STX6: variants seen among roughly 807,000 people sequenced by gnomAD.
STX6 encodes the protein syntaxin 6, also known as syntaxin-6.
STX6 carries 23 observed loss-of-function variants against 38.0 expected under a neutral mutation model. The ratio of observed to expected loss-of-function variants is 0.60; its 90% CI spans 0.43 to 0.86. The LOEUF (loss-of-function observed/expected upper bound fraction) is 0.86. Among genes scored for constraint, STX6 ranks in the 40% least tolerant of loss-of-function variants. The pLI is 0.00. For missense variants in STX6, 274 were observed against 312.9 expected (o/e 0.88, Z 0.94); for synonymous variants, 123 against 107.5 (o/e 1.14, Z -0.89).
At position 180,993,381 on chromosome 1, in the gene STX6, A is replaced by G. The variant is rs778916660; in HGVS notation, c.345T>C (p.Ala115=). ...TTCTCACCTGTCTATTTTTTCTTTC[A>G]GCTAATGCCTGCACAGATGAAGTTG... ...QMSTSSVQAL[A]ERKNRQALLG... is the part of the protein sequence containing the mutation. Residue 115 remains alanine (A), a synonymous_variant, in exon 4 of 8, where the codon GCT becomes GCC. Transcript: ENST00000258301. The G allele has an allele frequency of 1.3e-6, 2 of 1,588,922 alleles. No homozygotes were observed. The highest frequency in any genetic ancestry group is 1.7e-5 in the Admixed American group (1 of 59,886).
chr1:180,976,298 C>A lies in STX6; in HGVS notation c.*272G>T. 2.3e-6 allele frequency: 1 copy of A among 426,378 alleles called. No homozygotes were observed. Among genetic ancestry groups the A allele is most frequent in the South Asian group, 2.9e-5 (1 of 33,964 alleles). The allele number at this position is 426,378 out of a possible 1,614,324, so 26.4% of individuals were successfully genotyped here. On this transcript the variant is annotated 3_prime_UTR_variant, in exon 8 of 8. Transcript: ENST00000258301. Reference sequence around the variant, plus strand: ...AACGAGGTCCCGGAAGGCAAGGCAGCAGCTAGTTCTCCTCCGAACTGGACA... The same window carrying A: ...AACGAGGTCCCGGAAGGCAAGGCAGAAGCTAGTTCTCCTCCGAACTGGACA...
In STX6 at chr1:180,975,257, T is replaced by C. The variant is rs1044892801; in HGVS notation, c.*1313A>G. 1 of 152,616 alleles carries C rather than the reference T, an allele frequency of 6.6e-6. No homozygotes were observed. The highest frequency in any genetic ancestry group is 6.5e-5 in the Admixed American group (1 of 15,270). The allele number at this position is 152,616 out of a possible 1,614,324, so 9.5% of individuals were successfully genotyped here. ...GCAGCCTCCACCACCGAGTTCTGGC[T>C]CTGGGTCCAAATACTACTTTAATAT... is the stretch of plus-strand genomic sequence containing the variant. On this transcript the variant is annotated 3_prime_UTR_variant, in exon 8 of 8. Coordinates refer to ENST00000258301, the MANE Select transcript of STX6 (RefSeq NM_005819.6).
At chr1:181,013,956 T>C (rs1279190137) in intron 1 of STX6, among the ~76,000 whole-genome samples, 2 of 152,252 alleles carry the variant, frequency 1.3e-5, no homozygotes, top group African/African-American at 2.4e-5. Flanking sequence ...GGTATAGTGG[T>C]TGTCTTTTAT....
chr1:181,018,649 G>GA (rs1251950073), intron 1 of STX6, among the ~76,000 whole-genome samples: 1 of 151,896 alleles, frequency 6.6e-6, no homozygotes, highest in Non-Finnish European at 1.5e-5. Context: ...ATTCTGTTCC[G>GA]AACAGGACAT....
At chr1:181,006,973 C>T (rs993192081) in intron 1 of STX6, among the ~76,000 whole-genome samples, 5 of 152,142 alleles carry the variant, frequency 3.3e-5, no homozygotes, top group Admixed American at 1.3e-4. Flanking sequence ...TTTAGACTTT[C>T]AGTGCTAATG....
At chr1:181,015,026 T>G (rs1656516018) in intron 1 of STX6, among the ~76,000 whole-genome samples, 2 of 152,330 alleles carry the variant, frequency 1.3e-5, no homozygotes, top group Middle Eastern at 6.8e-3. Context: ...CCATTATATC[T>G]ATTTGCTTGA....
chr1:180,991,581 A>G (rs1655757870), intron 4 of STX6, among the ~76,000 whole-genome samples: 1 of 152,248 alleles, frequency 6.6e-6, no homozygotes, highest in Admixed American at 6.5e-5. Context: ...AGCTAAGTAT[A>G]GGGCAAATCA....
chr1:180,999,855 A>T (rs113550835), intron 3 of STX6, among the ~76,000 whole-genome samples: 1 of 152,332 alleles, frequency 6.6e-6, no homozygotes, highest in South Asian at 2.1e-4. Context: ...ACTTCATTTC[A>T]TCTCATTTTC....
chr1:181,018,390 A>C (rs1283914445), intron 1 of STX6, among the ~76,000 whole-genome samples: 4 of 62,980 alleles, frequency 6.4e-5, no homozygotes, highest in Non-Finnish European at 1.4e-4. Flanking sequence ...CTCTGTCCCA[A>C]AAAAAAAAAA....
At position 180,973,230 on chromosome 1, in the gene STX6, C is replaced by CAGT. The variant is rs1457044533; in HGVS notation, c.*3337_*3339dup. On this transcript the variant is annotated 3_prime_UTR_variant, in exon 8 of 8. Coordinates refer to ENST00000258301, the MANE Select transcript of STX6 (RefSeq NM_005819.6). ...TTGTTTTGTTTACAAATTCATCTTGCAGTACAAGGTGAAGCCAAATGGTAC... is the reference window on the plus strand; with the variant it reads ...TTGTTTTGTTTACAAATTCATCTTGCAGTAGTACAAGGTGAAGCCAAATGGTAC... The CAGT allele has an allele frequency of 6.6e-6, 1 of 152,162 alleles. No homozygotes were observed. The highest frequency in any genetic ancestry group is 1.5e-5 in the Non-Finnish European group (1 of 68,082). 9.4% of individuals were successfully genotyped at this position (152,162 alleles called of 1,614,324 possible).
intron 1 of STX6, among the ~76,000 whole-genome samples, chr1:181,008,737 T>TG (rs1297964380): frequency 6.6e-6 from 1 of 150,842 alleles, no homozygotes. Context: ...GTTTTTTTTT[T>TG]TTTTTTTTTT....
chr1:181,019,110 T>C (rs966918390), intron 1 of STX6, among the ~76,000 whole-genome samples: 1 of 152,212 alleles, frequency 6.6e-6, no homozygotes, highest in African/African-American at 2.4e-5. Context: ...CTTAGCACTT[T>C]ACATGTATGC....
intron 6 of STX6, 26 bp from the exon 7 acceptor site, chr1:180,984,797 C>T (rs372198134): frequency 3.1e-5 from 36 of 1,146,068 alleles, no homozygotes; most frequent in African/African-American, 2.6e-4. Context: ...CACAGAAGGT[C>T]GCTGGTAAGC....
At chr1:181,016,593 TCA>T (rs1656561131) in intron 1 of STX6, among the ~76,000 whole-genome samples, 1 of 152,230 alleles carries the variant, frequency 6.6e-6, no homozygotes, top group Non-Finnish European at 1.5e-5. Context: ...GTTATTTTTT[TCA>T]CAGTGACTAT....
At chr1:180,990,969 G>A (rs1459706922) in intron 4 of STX6, among the ~76,000 whole-genome samples, 1 of 152,170 alleles carries the variant, frequency 6.6e-6, no homozygotes, top group Non-Finnish European at 1.5e-5. Flanking sequence ...GCTCACACCA[G>A]CCCCGCAGGC....
chr1:180,977,977 C>A (rs528825982), intron 7 of STX6, among the ~76,000 whole-genome samples: 74 of 152,258 alleles, frequency 4.9e-4, no homozygotes, highest in African/African-American at 1.7e-3. Context: ...CTGAGCAGGA[C>A]AAAGACCCCA....
chr1:180,976,161 G>A lies in STX6; in HGVS notation c.*409C>T, dbSNP rs566099893. On this transcript the variant is annotated 3_prime_UTR_variant, in exon 8 of 8. Coordinates refer to ENST00000258301, the MANE Select transcript of STX6 (RefSeq NM_005819.6). Reference sequence around the variant, plus strand: ...GACAGGTTTCTTTAGATGGGACAGCGGTGCACTGTCTGAGCACGGGGAAGG... The same window carrying A: ...GACAGGTTTCTTTAGATGGGACAGCAGTGCACTGTCTGAGCACGGGGAAGG... The A allele has an allele frequency of 7.0e-5, 13 of 186,106 alleles. No homozygotes were observed. The East Asian group carries it at 1.1e-3, about 15-fold the overall frequency. The allele number at this position is 186,106 out of a possible 1,614,324, so 11.5% of individuals were successfully genotyped here.
intron 6 of STX6, chr1:180,987,908 T>C (rs1042424791): frequency 3.2e-5 from 6 of 188,166 alleles, no homozygotes; most frequent in Non-Finnish European, 5.6e-5. Context: ...TCCTATCCTC[T>C]CTGGAACAAA....
intron 1 of STX6, among the ~76,000 whole-genome samples, chr1:181,012,047 C>G (rs1391084073): frequency 6.6e-6 from 1 of 152,102 alleles, no homozygotes; most frequent in Non-Finnish European, 1.5e-5. Flanking sequence ...AAGTTTGATA[C>G]CCAGAACTTT....
Sources: gnomAD v4.1 joint callset for allele counts (sites outside exome capture counted in the v4.1 genomes callset) on GRCh38, gnomAD v4.1.1 for gene constraint, MANE v1.5 for transcripts, NCBI Gene and HGNC (gene_info 2026-07-23, HGNC 2026-07-21) for gene names.